Variants in ATG4A observed in about 807,000 individuals in gnomAD.
ATG4A encodes the protein cysteine protease ATG4A.
Under a neutral mutation model 38.4 loss-of-function variants are expected in ATG4A, and 22 were observed. That is an observed-to-expected ratio of 0.57 (90% CI 0.41 to 0.82). ATG4A has a LOEUF of 0.82. Among genes scored for constraint, ATG4A ranks in the 40% least tolerant of loss-of-function variants. The pLI is 0.00. For missense variants in ATG4A, 220 were observed against 290.0 expected, an observed-to-expected ratio of 0.76 and a Z score of 1.75; for synonymous variants, 86 against 100.7, an observed-to-expected ratio of 0.85 and a Z score of 0.88.
chrX:108,115,422 A>C (rs917864209), intron 1 of ATG4A, among the ~76,000 whole-genome samples: 1 of 111,568 alleles, frequency 9.0e-6, no homozygotes, highest in South Asian at 3.8e-4. Context: ...GCCTCCTCCC[A>C]GGTAATACCA....
intron 11 of ATG4A, among the ~76,000 whole-genome samples, chrX:108,152,560 AC>A (rs1733057110): frequency 8.9e-6 from 1 of 111,849 alleles, no homozygotes; most frequent in South Asian, 3.7e-4. Context: ...TAGGATATAT[AC>A]CATACATGTT....
chrX:108,141,082 A>ATATATATATG (rs2033274304), intron 9 of ATG4A, among the ~76,000 whole-genome samples: 4 of 73,325 alleles, frequency 5.5e-5, no homozygotes, highest in African/African-American at 2.0e-4. Context: ...ATATATATAT[A>ATATATATATG]TATATATATA....
chrX:108,119,504 A>T (rs1364558266), intron 1 of ATG4A, among the ~76,000 whole-genome samples: 1 of 111,857 alleles, frequency 8.9e-6, no homozygotes, highest in Non-Finnish European at 1.9e-5. Flanking sequence ...CAGTATACTG[A>T]TCTTTTCTAT....
chrX:108,141,880 A>G (rs142464799), intron 9 of ATG4A, among the ~76,000 whole-genome samples: 101 of 111,520 alleles, frequency 9.1e-4, no homozygotes, highest in African/African-American at 2.9e-3. Flanking sequence ...CATGGCTATT[A>G]CATGTGTAAT....
chrX:108,128,148 G>A lies in ATG4A; in HGVS notation c.122-633G>A, dbSNP rs191851618. On this transcript the variant is annotated intron_variant, in intron 2 of 12. Transcript: ENST00000372232. ...ATTTTATTTTGTTTTGCTTGAGACAGGGTCTCTCTGTTACTTAGGCTAGAG... is the reference window on the plus strand; with the variant it reads ...ATTTTATTTTGTTTTGCTTGAGACAAGGTCTCTCTGTTACTTAGGCTAGAG... Among the ~76,000 whole-genome samples the A allele has an allele frequency of 4.5e-5, 5 of 111,764 alleles. No homozygotes were observed. The East Asian group carries it at 1.4e-3, about 31-fold the overall frequency.
chrX:108,122,712 T>G (rs1410841968), intron 1 of ATG4A, among the ~76,000 whole-genome samples: 1 of 112,051 alleles, frequency 8.9e-6, no homozygotes, highest in African/African-American at 3.2e-5. Flanking sequence ...GAAAGCCTTT[T>G]CCCCAGGGCC....
intron 1 of ATG4A, among the ~76,000 whole-genome samples, chrX:108,093,979 T>C (rs2031724065): frequency 8.9e-6 from 1 of 112,066 alleles, no homozygotes; most frequent in Non-Finnish European, 1.9e-5. Flanking sequence ...CTGAGAGATA[T>C]ATGATATGCA....
At chrX:108,122,514 T>A (rs767789067) in intron 1 of ATG4A, among the ~76,000 whole-genome samples, 71 of 111,741 alleles carry the variant, frequency 6.4e-4, no homozygotes, top group African/African-American at 2.2e-3. Flanking sequence ...CTCCCTGGCT[T>A]CAAAATCAAT....
intron 2 of ATG4A, among the ~76,000 whole-genome samples, chrX:108,128,070 A>C (rs1429709810): frequency 8.9e-6 from 1 of 112,408 alleles, no homozygotes; most frequent in Admixed American, 9.4e-5. Flanking sequence ...GTGCATGAAC[A>C]GACACACATG....
At chrX:108,131,500 T>C (rs2032951559) in intron 4 of ATG4A, 142 bp downstream of exon 4, 2 of 520,048 alleles carry the variant, frequency 3.8e-6, no homozygotes, top group Non-Finnish European at 6.2e-6. Flanking sequence ...GCTCAAGTGG[T>C]GGGGCTGACA....
intron 9 of ATG4A, 66 bp downstream of exon 9, chrX:108,138,257 A>G (rs1475996630): frequency 3.2e-5 from 32 of 997,108 alleles, no homozygotes; most frequent in Non-Finnish European, 4.4e-5. Flanking sequence ...CAAGGTTTGC[A>G]TGGGAGACCA....
chrX:108,135,395 A>G (rs2033071149), intron 6 of ATG4A, among the ~76,000 whole-genome samples: 1 of 112,278 alleles, frequency 8.9e-6, no homozygotes, highest in Non-Finnish European at 1.9e-5. Flanking sequence ...GTTCCATGCA[A>G]AGTACAGACA....
At chrX:108,141,122 G>C (rs2033282978) in intron 9 of ATG4A, among the ~76,000 whole-genome samples, 1 of 78,878 alleles carries the variant, frequency 1.3e-5, no homozygotes, top group Non-Finnish European at 2.3e-5. Context: ...CTAAGGAATG[G>C]TGCCATATTG....
chrX:108,096,998 C>G (rs2031844560), intron 1 of ATG4A, among the ~76,000 whole-genome samples: 1 of 111,513 alleles, frequency 9.0e-6, no homozygotes. Flanking sequence ...CTAAAACAAG[C>G]TAAGTTCATC....
At chrX:108,118,269 A>T (rs1291366648) in intron 1 of ATG4A, among the ~76,000 whole-genome samples, 1 of 111,899 alleles carries the variant, frequency 8.9e-6, no homozygotes, top group Non-Finnish European at 1.9e-5. Context: ...TCAACACTTT[A>T]TGCCTGGATT....
intron 4 of ATG4A, among the ~76,000 whole-genome samples, chrX:108,133,069 A>G (rs1179306511): frequency 8.9e-6 from 1 of 112,303 alleles, no homozygotes; most frequent in Admixed American, 9.4e-5. Flanking sequence ...TAATGAAAAG[A>G]AGTTGGATGT....
upstream of ATG4A, among the ~76,000 whole-genome samples, chrX:108,089,384 A>C (rs913637226): frequency 2.7e-5 from 3 of 112,067 alleles, no homozygotes; most frequent in Admixed American, 1.9e-4. Context: ...ACTGACCTCA[A>C]GTTAGATGCT....
Position 108,136,693 on chromosome X carries a change from G to GT in ATG4A, c.468-391dup, listed in dbSNP as rs371327874. Reference sequence around the variant, plus strand: ...TTTACGGACAGCTTCCTTTTTAAAAGTTTTTTTACAGTTTCCCTTTTGTAA... The same window carrying GT: ...TTTACGGACAGCTTCCTTTTTAAAAGTTTTTTTTACAGTTTCCCTTTTGTAA... On this transcript the variant is annotated intron_variant, in intron 6 of 12. Coordinates refer to ENST00000372232, the MANE Select transcript of ATG4A (RefSeq NM_052936.5). Among the ~76,000 whole-genome samples the GT allele has an allele frequency of 4.0e-3, 444 of 112,106 alleles. 6 individuals carry two copies. The highest frequency in any genetic ancestry group is 0.014 in the African/African-American group (422 of 30,859).
At chrX:108,141,368 A>G (rs1426719415) in intron 9 of ATG4A, among the ~76,000 whole-genome samples, 3 of 109,531 alleles carry the variant, frequency 2.7e-5, no homozygotes, top group Non-Finnish European at 5.7e-5. Context: ...AATCAAGAAT[A>G]CACACAATAT....
Sources: allele counts gnomAD v4.1 joint callset (sites outside exome capture counted in the v4.1 genomes callset), GRCh38; gene constraint gnomAD v4.1.1; transcripts MANE v1.5; gene names NCBI Gene and HGNC (gene_info 2026-07-23, HGNC 2026-07-21).